Variants in MKLN1 observed in about 807,000 individuals in gnomAD.
The protein encoded by MKLN1 is muskelin 1.
MKLN1 carries 18 observed loss-of-function variants against 99.0 expected under a neutral mutation model. That is an observed-to-expected ratio of 0.18 (90% CI 0.13 to 0.27). The LOEUF (loss-of-function observed/expected upper bound fraction) is 0.27. Ranked by LOEUF, MKLN1 falls within the 10% of genes least tolerant of loss-of-function variation. The pLI is 1.00. For synonymous variants in MKLN1, 288 were observed against 293.2 expected (o/e 0.98, Z 0.18); for missense variants, 621 against 875.9 (o/e 0.71, Z 3.67).
chr7:131,283,325 C>A, intron 3 of MKLN1, among the ~76,000 whole-genome samples: 1 of 79,436 alleles, frequency 1.3e-5, no homozygotes, highest in East Asian at 3.6e-4. Flanking sequence ...CTCCCTCCCT[C>A]CCTCCTTCCC....
intron 3 of MKLN1, among the ~76,000 whole-genome samples, chr7:131,311,464 C>T (rs1039312377): frequency 6.6e-6 from 1 of 152,062 alleles, no homozygotes; most frequent in Non-Finnish European, 1.5e-5. Flanking sequence ...ACACATTCAT[C>T]CTAATATAAC....
In MKLN1 at chr7:131,401,066, A is replaced by C. The variant is rs905195746; in HGVS notation, c.703+1633A>C. Among the ~76,000 whole-genome samples the C allele has an allele frequency of 9.8e-5, 15 of 152,288 alleles. No individual in the cohort carries two copies. In the East Asian group the frequency reaches 1.3e-3, roughly 14 times the overall value. On this transcript the variant is annotated intron_variant, in intron 6 of 17. Transcript: ENST00000352689. ...TTTTTTGGCTTCTGCTCTATTAAAA[A>C]CATAGCAGAGAAGGACAAGAAGTTC...
intron 2 of MKLN1, among the ~76,000 whole-genome samples, chr7:131,199,717 G>A (rs188877943): frequency 6.6e-6 from 1 of 152,146 alleles, no homozygotes; most frequent in African/African-American, 2.4e-5. Context: ...AAATTGAGAC[G>A]GAGTCTCACT....
chr7:131,432,641 T>C (rs2116448245), intron 9 of MKLN1, among the ~76,000 whole-genome samples: 1 of 152,184 alleles, frequency 6.6e-6, no homozygotes, highest in East Asian at 1.9e-4. Flanking sequence ...AGAGACAGGG[T>C]TTCATCATGT....
At chr7:131,281,961 C>G (rs1348413692) in intron 3 of MKLN1, among the ~76,000 whole-genome samples, 1 of 152,140 alleles carries the variant, frequency 6.6e-6, no homozygotes, top group African/African-American at 2.4e-5. Context: ...CCACCATGCC[C>G]AGCCACTGCC....
At chr7:131,203,257 C>T (rs561099803) in intron 3 of MKLN1, among the ~76,000 whole-genome samples, 21 of 152,140 alleles carry the variant, frequency 1.4e-4, no homozygotes, top group African/African-American at 4.3e-4. Context: ...AAAAGGAACT[C>T]TTGGGATTGG....
chr7:131,324,494 C>A (rs1212333073), upstream of MKLN1: 2 of 152,200 alleles, frequency 1.3e-5, no homozygotes, highest in Non-Finnish European at 2.9e-5. Context: ...TTGATGACTG[C>A]AACCTGGGAA....
At chr7:131,308,347 C>T (rs1051363555) in intron 3 of MKLN1, among the ~76,000 whole-genome samples, 3 of 151,726 alleles carry the variant, frequency 2.0e-5, no homozygotes, top group Non-Finnish European at 4.4e-5. Flanking sequence ...CTGCAACCTC[C>T]ACCTCCCAGG....
chr7:131,320,220 C>T (rs978772563), intron 3 of MKLN1, among the ~76,000 whole-genome samples: 37 of 152,102 alleles, frequency 2.4e-4, no homozygotes, highest in African/African-American at 8.9e-4. Flanking sequence ...GATACTGGTA[C>T]CAAAACAGAT....
intron 2 of MKLN1, among the ~76,000 whole-genome samples, chr7:131,145,636 T>G (rs964609354): frequency 2.5e-4 from 38 of 152,194 alleles, no homozygotes; most frequent in Admixed American, 2.5e-3. Context: ...TATGTAGGTG[T>G]GTAAGGGGGA....
At chr7:131,187,474 T>C (rs1216030840) in intron 2 of MKLN1, among the ~76,000 whole-genome samples, 1 of 152,186 alleles carries the variant, frequency 6.6e-6, no homozygotes. Flanking sequence ...CCACCGCCTG[T>C]TTCTGTAATT....
chr7:131,313,034 A>C (rs1259398698), intron 3 of MKLN1, among the ~76,000 whole-genome samples: 1 of 152,218 alleles, frequency 6.6e-6, no homozygotes, highest in Non-Finnish European at 1.5e-5. Context: ...AATACCAAAA[A>C]ATACCATAAA....
At chr7:131,178,269 A>G (rs1796328667) in intron 2 of MKLN1, among the ~76,000 whole-genome samples, 1 of 139,714 alleles carries the variant, frequency 7.2e-6, no homozygotes, top group Admixed American at 7.3e-5. Flanking sequence ...GGCGCCTGCC[A>G]CATGCCCGGC....
At chr7:131,209,969 G>T (rs117640673) in intron 3 of MKLN1, among the ~76,000 whole-genome samples, 2 of 152,240 alleles carry the variant, frequency 1.3e-5, no homozygotes, top group South Asian at 2.1e-4. Flanking sequence ...CTGATTCCTG[G>T]GTAGTATAGA....
intron 3 of MKLN1, among the ~76,000 whole-genome samples, chr7:131,279,722 C>T (rs2116575728): frequency 6.6e-6 from 1 of 152,250 alleles, no homozygotes; most frequent in East Asian, 1.9e-4. Context: ...GGGAAGATCA[C>T]CTGAGCCTGG....
upstream of MKLN1, among the ~76,000 whole-genome samples, chr7:131,325,940 A>C (rs1016229899): frequency 6.6e-6 from 1 of 151,920 alleles, no homozygotes; most frequent in African/African-American, 2.4e-5. Flanking sequence ...GAGAAAAATC[A>C]AGGCAGGTTA....
intron 9 of MKLN1, among the ~76,000 whole-genome samples, chr7:131,431,949 T>C (rs1217784705): frequency 6.6e-6 from 1 of 152,190 alleles, no homozygotes; most frequent in African/African-American, 2.4e-5. Flanking sequence ...TACCCACTTA[T>C]TCTTTAAAAC....
At chr7:131,471,604 A>G (rs1178821847) in intron 16 of MKLN1, 1 of 152,220 alleles carries the variant, frequency 6.6e-6, no homozygotes, top group Admixed American at 6.5e-5. Context: ...AATGCCTGCA[A>G]TGATTTTTGT....
At chr7:131,295,351 G>C (rs4731782) in intron 3 of MKLN1, among the ~76,000 whole-genome samples, 67,194 of 151,818 alleles carry the variant, frequency 0.44, 16,339 homozygotes, top group Admixed American at 0.59. Context: ...AAACCAAAAA[G>C]ATAAATGCTG....
Sources: gnomAD v4.1 joint callset for allele counts (sites outside exome capture counted in the v4.1 genomes callset) on GRCh38, gnomAD v4.1.1 for gene constraint, MANE v1.5 for transcripts, NCBI Gene and HGNC (gene_info 2026-07-23, HGNC 2026-07-21) for gene names.